The following STYXL1 variants were observed in gnomAD, a reference collection of about 807,000 sequenced individuals.
STYXL1 encodes serine/threonine/tyrosine-interacting-like protein 1.
A neutral mutation model predicts 36.4 loss-of-function variants in STYXL1; 32 were observed. The observed-to-expected ratio is 0.88, with a 90% CI of 0.66 to 1.18. The LOEUF (loss-of-function observed/expected upper bound fraction) is 1.18. STYXL1 is among the 50% of genes most tolerant of loss of function. The probability of loss-of-function intolerance (pLI) is 0.00; values close to 1 mark genes in which losing one functional copy is unlikely to be tolerated. For missense variants in STYXL1, 354 were observed against 394.1 expected, an observed-to-expected ratio of 0.90 and a Z score of 0.86; for synonymous variants, 133 against 144.1, an observed-to-expected ratio of 0.92 and a Z score of 0.55.
intron 7 of STYXL1, among the ~76,000 whole-genome samples, chr7:76,002,155 G>A (rs530177886): frequency 1.6e-4 from 25 of 152,232 alleles, no homozygotes; most frequent in African/African-American, 5.8e-4. Context: ...GGGCTGGAGG[G>A]TAAGTTACTT....
intron 5 of STYXL1, among the ~76,000 whole-genome samples, chr7:76,012,785 G>A (rs118168692): frequency 0.018 from 2,793 of 152,296 alleles, 42 homozygotes; most frequent in Non-Finnish European, 0.028. Flanking sequence ...TCCTGCCTTG[G>A]CCTCCCCAAG....
chr7:76,043,024 G>A (rs1416099321), intron 1 of STYXL1, among the ~76,000 whole-genome samples: 1 of 152,216 alleles, frequency 6.6e-6, no homozygotes. Context: ...ATTTGAAATG[G>A]CCTGCACCCC....
At chr7:76,017,556 C>A (rs114143946) in intron 4 of STYXL1, among the ~76,000 whole-genome samples, 2 of 151,470 alleles carry the variant, frequency 1.3e-5, no homozygotes, top group Non-Finnish European at 2.9e-5. Context: ...CTGAAGAATA[C>A]GAGGAGGACA....
intron 1 of STYXL1, chr7:76,045,374 T>C (rs951120424): frequency 2.6e-5 from 4 of 151,962 alleles, no homozygotes; most frequent in Non-Finnish European, 2.9e-5. Context: ...CAGTCTAATC[T>C]TCCTCAAACA....
chr7:76,031,075 C>T (rs1185545706), intron 1 of STYXL1, among the ~76,000 whole-genome samples: 1 of 151,588 alleles, frequency 6.6e-6, no homozygotes, highest in East Asian at 1.9e-4. Context: ...GTAGGAGAGT[C>T]GCTTGAACCC....
At chr7:76,008,488 C>G (rs1234267116) in intron 5 of STYXL1, among the ~76,000 whole-genome samples, 1 of 152,090 alleles carries the variant, frequency 6.6e-6, no homozygotes, top group South Asian at 2.1e-4. Context: ...GGCAGTGAAC[C>G]CTCTGCAAGC....
At chr7:76,022,017 C>T (rs376264611) in intron 3 of STYXL1, 25 bp from the exon 4 acceptor site, 3 of 1,592,624 alleles carry the variant, frequency 1.9e-6, no homozygotes, top group African/African-American at 2.7e-5. Flanking sequence ...CACACACACA[C>T]AAGAGAGGCC....
Position 75,996,348 on chromosome 7 carries a change from T to C in STYXL1, c.*120A>G, listed in dbSNP as rs1554563804. 1 of 1,588,868 alleles carries C rather than the reference T, an allele frequency of 6.3e-7. No homozygotes were observed. The highest frequency in any genetic ancestry group is 1.8e-5 in the Admixed American group (1 of 56,546). ...TCAGTACAGGAGGCTAACATGAGAC[T>C]TTCAGGCAGCAAAGGCCTTCTCCTT... is the stretch of plus-strand genomic sequence containing the variant. On this transcript the variant is annotated 3_prime_UTR_variant, in exon 9 of 9. Coordinates refer to ENST00000359697, the MANE Select transcript of STYXL1 (RefSeq NM_001317785.2).
intron 6 of STYXL1, 135 bp from the exon 7 acceptor site, chr7:76,003,990 C>T (rs1428445948): frequency 1.4e-6 from 1 of 706,998 alleles, no homozygotes; most frequent in Non-Finnish European, 2.4e-6. Flanking sequence ...ACAGGTAACT[C>T]AACCTCTCCT....
At chr7:76,007,083 G>A (rs1791870195) in intron 5 of STYXL1, among the ~76,000 whole-genome samples, 1 of 152,028 alleles carries the variant, frequency 6.6e-6, no homozygotes, top group African/African-American at 2.4e-5. Flanking sequence ...TATTTACATA[G>A]CATGTACATT....
chr7:76,027,811 A>C (rs1234825059), intron 3 of STYXL1, among the ~76,000 whole-genome samples: 1 of 152,064 alleles, frequency 6.6e-6, no homozygotes, highest in African/African-American at 2.4e-5. Flanking sequence ...AAGGAATTAA[A>C]TCAATATTTG....
chr7:76,002,923 C>T (rs557887457), intron 7 of STYXL1, among the ~76,000 whole-genome samples: 1 of 152,032 alleles, frequency 6.6e-6, no homozygotes, highest in Non-Finnish European at 1.5e-5. Context: ...GACCCCGTCT[C>T]GAAAAATAAA....
rs371763616 is a variant in STYXL1, at chr7:76,047,954, G to C, written c.-297C>G. 2.1e-6 allele frequency: 3 copies of C among 1,456,030 alleles called. No homozygotes were observed. The highest frequency in any genetic ancestry group is 1.4e-5 in the African/African-American group (1 of 70,556). The allele number at this position is 1,456,030 out of a possible 1,614,324, so 90.2% of individuals were successfully genotyped here. A position where few individuals can be genotyped will look rare whatever the true frequency, so the allele number is the denominator to read the frequency against. On this transcript the variant is annotated 5_prime_UTR_variant, in exon 1 of 9. Transcript: ENST00000359697. ...TACGCTAGAACCCAGCCAAACACCG[G>C]GGTTGCCAGGATGGTCCCACAGCTT...
intron 1 of STYXL1, among the ~76,000 whole-genome samples, chr7:76,035,755 A>G (rs1554580576): frequency 1.3e-5 from 2 of 149,560 alleles, no homozygotes; most frequent in African/African-American, 4.9e-5. Flanking sequence ...TATGGCTCAT[A>G]CCCATCCTCA....
rs146543729 is a variant in STYXL1, at chr7:76,028,047, A to T, written c.165+595T>A. Among the ~76,000 whole-genome samples, 1,358 of 151,944 alleles carry T rather than the reference A, an allele frequency of 8.9e-3. 13 individuals are homozygous for T. Among genetic ancestry groups the T allele is most frequent in the South Asian group, 0.019 (89 of 4,806 alleles). ...GCTCGAGCCCAGGAGATATATATAT[A>T]TTTTTTAGACCAACACTCACTCTGT... On this transcript the variant is annotated intron_variant, in intron 3 of 8. Coordinates refer to ENST00000359697, the MANE Select transcript of STYXL1 (RefSeq NM_001317785.2).
chr7:76,046,670 A>G (rs1554583798), intron 1 of STYXL1, among the ~76,000 whole-genome samples: 3 of 116,594 alleles, frequency 2.6e-5, no homozygotes, highest in African/African-American at 1.0e-4. Context: ...TTTTTGAGAC[A>G]GAGTCTTTCT....
intron 5 of STYXL1, 30 bp from the exon 6 acceptor site, chr7:76,005,434 G>C: frequency 6.4e-7 from 1 of 1,569,140 alleles, no homozygotes; most frequent in Non-Finnish European, 8.7e-7. Flanking sequence ...AGGCAGCTAT[G>C]AGCATATTCC....
intron 1 of STYXL1, among the ~76,000 whole-genome samples, chr7:76,042,919 G>T (rs977576837): frequency 6.6e-5 from 10 of 152,140 alleles, no homozygotes; most frequent in Non-Finnish European, 1.0e-4. Context: ...TCTGAAGCTT[G>T]TGCAGGCACA....
At chr7:75,998,336 T>C (rs1206894743) in intron 8 of STYXL1, among the ~76,000 whole-genome samples, 1 of 152,048 alleles carries the variant, frequency 6.6e-6, no homozygotes, top group African/African-American at 2.4e-5. Flanking sequence ...CTCACTCTGT[T>C]GCCCAGGCTG....
Sources: allele counts gnomAD v4.1 joint callset (sites outside exome capture counted in the v4.1 genomes callset), GRCh38; gene constraint gnomAD v4.1.1; transcripts MANE v1.5; gene names NCBI Gene and HGNC (gene_info 2026-07-23, HGNC 2026-07-21).